RPAP2: variants seen among roughly 807,000 people sequenced by gnomAD.
RPAP2 encodes RNA polymerase II associated protein 2.
A neutral mutation model predicts 73.1 loss-of-function variants in RPAP2; 52 were observed. The observed-to-expected ratio is 0.71, with a 90% CI of 0.57 to 0.90. The LOEUF (loss-of-function observed/expected upper bound fraction) is 0.90. Among genes scored for constraint, RPAP2 ranks in the 40% least tolerant of loss-of-function variants. The pLI is 0.00. For missense variants in RPAP2, 598 were observed against 701.8 expected, an observed-to-expected ratio of 0.85 and a Z score of 1.67; for synonymous variants, 225 against 242.1, an observed-to-expected ratio of 0.93 and a Z score of 0.65.
chr1:92,372,028 A>G (rs1340161205), intron 11 of RPAP2, among the ~76,000 whole-genome samples: 1 of 152,206 alleles, frequency 6.6e-6, no homozygotes, highest in Non-Finnish European at 1.5e-5. Context: ...AAATAAGTAT[A>G]TGAGGTAATG....
rs1450212286 is a variant in RPAP2 at position 92,395,212 on chromosome 1, A to C, written c.*8201A>C. The C allele has an allele frequency of 6.6e-6, 1 of 152,240 alleles. No individual in the cohort carries two copies. The highest frequency in any genetic ancestry group is 1.5e-5 in the Non-Finnish European group (1 of 68,044). 9.4% of individuals were successfully genotyped at this position (152,240 alleles called of 1,614,324 possible). A position where few individuals can be genotyped will look rare whatever the true frequency, so the allele number is the denominator to read the frequency against. On this transcript the variant is annotated 3_prime_UTR_variant, in exon 13 of 13. Transcript: ENST00000610020. Reference sequence around the variant, plus strand: ...AAAACTATAAAACATGTAGAAGAAAACATGGGAGAAAACCTAGATGACCTT... The same window carrying C: ...AAAACTATAAAACATGTAGAAGAAACCATGGGAGAAAACCTAGATGACCTT...
intron 8 of RPAP2, among the ~76,000 whole-genome samples, chr1:92,327,007 T>C (rs576404387): frequency 3.7e-4 from 57 of 152,366 alleles, no homozygotes; most frequent in African/African-American, 1.3e-3. Flanking sequence ...AAAGTTCAGC[T>C]GGCCTATCAT....
chr1:92,351,599 A>G (rs902049516), intron 11 of RPAP2, among the ~76,000 whole-genome samples: 6 of 152,080 alleles, frequency 3.9e-5, no homozygotes, highest in African/African-American at 1.4e-4. Context: ...GGTCTTCCCC[A>G]GTCTTCTGTG....
chr1:92,368,393 A>AG (rs1194488063), intron 11 of RPAP2, among the ~76,000 whole-genome samples: 1 of 152,166 alleles, frequency 6.6e-6, no homozygotes, highest in African/African-American at 2.4e-5. Flanking sequence ...AAAGAAAAAA[A>AG]TCCAAGTTCG....
chr1:92,307,094 T>A, intron 5 of RPAP2, 94 bp from the exon 6 acceptor site: 1 of 852,046 alleles, frequency 1.2e-6, no homozygotes, highest in Non-Finnish European at 1.8e-6. Flanking sequence ...TCCATTTTAT[T>A]CTTTGAACGA....
Position 92,398,542 on chromosome 1 carries a change from C to G in RPAP2, c.*11531C>G, listed in dbSNP as rs998365352. The G allele has an allele frequency of 1.3e-5, 2 of 152,148 alleles. No individual in the cohort carries two copies. The highest frequency in any genetic ancestry group is 4.8e-5 in the African/African-American group (2 of 41,426). 9.4% of individuals were successfully genotyped at this position (152,148 alleles called of 1,614,324 possible). ...CTTTAGTAGCCTCACATTATAAGCC[C>G]TTCGTAGAAAAAGAAAAGTAAGCAT... On this transcript the variant is annotated 3_prime_UTR_variant, in exon 13 of 13. Transcript: ENST00000610020.
intron 6 of RPAP2, among the ~76,000 whole-genome samples, chr1:92,313,643 T>A (rs930371265): frequency 3.9e-5 from 6 of 152,180 alleles, no homozygotes; most frequent in Non-Finnish European, 8.8e-5. Context: ...AGTTACCAGC[T>A]ACGTTAGCCC....
chr1:92,320,656 T>C, intron 7 of RPAP2, 22 bp downstream of exon 7: 1 of 1,578,318 alleles, frequency 6.3e-7, no homozygotes, highest in South Asian at 1.1e-5. Flanking sequence ...TCAGTATCAT[T>C]TACCATTTAT....
Position 92,301,559 on chromosome 1 carries a change from A to C in RPAP2, c.203A>C (p.Glu68Ala), listed in dbSNP as rs1442219303. Residue 68 changes from glutamate to alanine, a missense_variant, in exon 3 of 13, where the codon GAG becomes GCG. By Grantham distance (107) the Glu-to-Ala change is moderately radical. Coordinates refer to ENST00000610020, the MANE Select transcript of RPAP2 (RefSeq NM_024813.3). The part of the protein sequence containing the change: ...ALHIVEQLLE[E>A]NITEEFLMEC... The stretch of plus-strand genomic sequence containing the variant: ...CATATTGTTGAACAGCTTTTAGAGG[A>C]GAATATTACAGAAGAGTTCCTAATG... The C allele has an allele frequency of 1.9e-6, 3 of 1,546,852 alleles. No homozygotes were observed. Among genetic ancestry groups the C allele is most frequent in the Non-Finnish European group, 2.6e-6 (3 of 1,138,082 alleles).
chr1:92,359,317 A>ATATT (rs962237599), intron 11 of RPAP2, among the ~76,000 whole-genome samples: 5 of 152,088 alleles, frequency 3.3e-5, no homozygotes, highest in South Asian at 2.1e-4. Context: ...TTTTTATTTT[A>ATATT]TATTTATTTA....
At chr1:92,344,502 TA>T (rs1159767963) in intron 10 of RPAP2, among the ~76,000 whole-genome samples, 1 of 152,248 alleles carries the variant, frequency 6.6e-6, no homozygotes, top group African/African-American at 2.4e-5. Flanking sequence ...AGCTATTTAA[TA>T]TTTTATAAAT....
chr1:92,384,936 G>C (rs932445247), intron 12 of RPAP2, among the ~76,000 whole-genome samples: 2 of 152,084 alleles, frequency 1.3e-5, no homozygotes, highest in Non-Finnish European at 2.9e-5. Context: ...GATCGCTTGA[G>C]CCCAGGAGTT....
chr1:92,320,699 C>A, intron 7 of RPAP2, 65 bp downstream of exon 7: 8 of 1,324,824 alleles, frequency 6.0e-6, no homozygotes, highest in African/African-American at 1.4e-5. Flanking sequence ...TAGGAGTGAA[C>A]CAGGTGATAT....
chr1:92,361,202 A>G (rs931786732), intron 11 of RPAP2, among the ~76,000 whole-genome samples: 2 of 151,940 alleles, frequency 1.3e-5, no homozygotes, highest in Admixed American at 6.6e-5. Flanking sequence ...TTTATCCAAT[A>G]TTGTGTTTGG....
intron 6 of RPAP2, among the ~76,000 whole-genome samples, chr1:92,318,293 C>T (rs1652044681): frequency 1.3e-5 from 2 of 152,152 alleles, no homozygotes; most frequent in Non-Finnish European, 2.9e-5. Flanking sequence ...ATTCAGTCCT[C>T]TTAGCATCCC....
chr1:92,359,712 G>A (rs1654643888), intron 11 of RPAP2, among the ~76,000 whole-genome samples: 1 of 152,202 alleles, frequency 6.6e-6, no homozygotes, highest in South Asian at 2.1e-4. Flanking sequence ...CTCCCTGACA[G>A]GAGTTGAAAA....
chr1:92,304,152 A>G, intron 4 of RPAP2, 77 bp downstream of exon 4: 1 of 1,265,664 alleles, frequency 7.9e-7, no homozygotes, highest in Non-Finnish European at 1.1e-6. Flanking sequence ...AAGAATAAGA[A>G]ATAAAACCTA....
intron 12 of RPAP2, among the ~76,000 whole-genome samples, chr1:92,382,698 A>T (rs929682728): frequency 6.6e-6 from 1 of 151,840 alleles, no homozygotes; most frequent in African/African-American, 2.4e-5. Flanking sequence ...GGTTGCAAAA[A>T]TTTTCTCCCA....
At position 92,401,313 on chromosome 1, in the gene RPAP2, T is replaced by A. The variant is rs1656313379; in HGVS notation, c.*14302T>A. 1 of 152,232 alleles carries A rather than the reference T, an allele frequency of 6.6e-6. No homozygotes were observed. The highest frequency in any genetic ancestry group is 2.1e-4 in the South Asian group (1 of 4,826). The allele number at this position is 152,232 out of a possible 1,614,324, so 9.4% of individuals were successfully genotyped here. On this transcript the variant is annotated 3_prime_UTR_variant, in exon 13 of 13. Transcript: ENST00000610020. ...TTTCCTTGTGATTAATGCCTTGACT[T>A]TTTTGTGGAAAGTAACACCCCAAGA... is the stretch of plus-strand genomic sequence containing the variant.
Sources: gnomAD v4.1 joint callset for allele counts (sites outside exome capture counted in the v4.1 genomes callset) on GRCh38, gnomAD v4.1.1 for gene constraint, MANE v1.5 for transcripts, NCBI Gene and HGNC (gene_info 2026-07-23, HGNC 2026-07-21) for gene names.